Variants in MYO18B observed in about 807,000 individuals in gnomAD.
The protein encoded by MYO18B is myosin XVIIIB.
In MYO18B, 204 loss-of-function variants were observed where a neutral mutation model predicts 273.0. That is an observed-to-expected ratio of 0.75 (90% CI 0.67 to 0.84). MYO18B has a LOEUF of 0.84. MYO18B is among the 40% of genes least tolerant of loss of function. The pLI is 0.00. For synonymous variants in MYO18B, 1,330 were observed against 1,305.7 expected (o/e 1.02, Z -0.40); for missense variants, 3,212 against 3,287.6 (o/e 0.98, Z 0.56).
At chr22:25,922,268 C>CGG (rs776617358) in intron 34 of MYO18B, among the ~76,000 whole-genome samples, 37 of 152,102 alleles carry the variant, frequency 2.4e-4, no homozygotes, top group Non-Finnish European at 4.1e-4. Context: ...ACAGGAGGAG[C>CGG]GGCAGGTCTG....
intron 42 of MYO18B, among the ~76,000 whole-genome samples, chr22:26,005,649 T>A (rs1373131366): frequency 6.6e-6 from 1 of 152,196 alleles, no homozygotes; most frequent in Non-Finnish European, 1.5e-5. Context: ...GATTAAGATA[T>A]GCATAATTAA....
intron 12 of MYO18B, among the ~76,000 whole-genome samples, chr22:25,811,055 C>T (rs1334278312): frequency 6.6e-6 from 1 of 151,760 alleles, no homozygotes; most frequent in East Asian, 1.9e-4. Flanking sequence ...GCTGTGTTGC[C>T]CAGGCTGGAG....
At chr22:26,014,011 C>A (rs1403117921) in intron 42 of MYO18B, among the ~76,000 whole-genome samples, 1 of 152,000 alleles carries the variant, frequency 6.6e-6, no homozygotes, top group East Asian at 1.9e-4. Flanking sequence ...TTAATGTAAC[C>A]CAGTTTATAA....
At chr22:25,918,850 G>T (rs902448197) in intron 33 of MYO18B, among the ~76,000 whole-genome samples, 1 of 152,206 alleles carries the variant, frequency 6.6e-6, no homozygotes, top group African/African-American at 2.4e-5. Context: ...AAGTAAATCT[G>T]AGTTTATGAA....
At chr22:25,767,360 C>T (rs1013962160) in intron 3 of MYO18B, among the ~76,000 whole-genome samples, 1 of 152,102 alleles carries the variant, frequency 6.6e-6, no homozygotes, top group Non-Finnish European at 1.5e-5. Flanking sequence ...GAAACCAGGG[C>T]CCTCAGCTGG....
rs1280225909 is a variant in MYO18B, at chr22:25,948,455, CTTCCTTCT to C, written c.5748+631_5748+638del. On this transcript the variant is annotated intron_variant, in intron 36 of 43. Coordinates refer to ENST00000335473, the MANE Select transcript of MYO18B (RefSeq NM_032608.7). ...CCTTCCTTCCTTCCTTCCTTCCTTC[CTTCCTTCT>C]TTCTTTCTTTCTTTCTTTCTTTCTC... is the stretch of plus-strand genomic sequence containing the variant. Among the ~76,000 whole-genome samples the C allele has an allele frequency of 7.2e-3, 577 of 79,980 alleles. 5 individuals are homozygous for C. Among genetic ancestry groups the C allele is most frequent in the Admixed American group, 0.03 (261 of 8,738 alleles). 52.5% of individuals were successfully genotyped at this position (79,980 alleles called of 152,430 possible). A position where few individuals can be genotyped will look rare whatever the true frequency, so the allele number is the denominator to read the frequency against.
chr22:26,012,812 A>C lies in MYO18B; in HGVS notation c.6470+7957A>C, dbSNP rs148302827. Among the ~76,000 whole-genome samples, 110 of 152,352 alleles carry C rather than the reference A, an allele frequency of 7.2e-4. 3 individuals are homozygous for C. The East Asian group carries it at 0.018, about 25-fold the overall frequency. On this transcript the variant is annotated intron_variant, in intron 42 of 43. Coordinates refer to ENST00000335473, the MANE Select transcript of MYO18B (RefSeq NM_032608.7). ...AATCTGTGGTTCTCTGATTAAGCTA[A>C]GGTTTTGTTACGCAAATTTACCATT...
rs1333414028 is a variant in MYO18B at position 25,876,336 on chromosome 22, A to G, written c.4224+4A>G. On this transcript the variant is annotated splice_donor_region_variant and intron_variant, in intron 24 of 43. Coordinates refer to ENST00000335473, the MANE Select transcript of MYO18B (RefSeq NM_032608.7). ...TGAGCAGCTCCGAGCCAAGGAGGTC[A>G]GTCTATGTGGCAGGCAGGGTGCTGG... 6.2e-7 allele frequency: 1 copy of G among 1,606,922 alleles called. No individual in the cohort carries two copies. Among genetic ancestry groups the G allele is most frequent in the African/African-American group, 1.3e-5 (1 of 74,766 alleles).
chr22:25,905,599 G>T (rs1013429121), intron 31 of MYO18B, among the ~76,000 whole-genome samples: 2 of 152,188 alleles, frequency 1.3e-5, no homozygotes, highest in African/African-American at 4.8e-5. Context: ...AGAGTTCTAG[G>T]CAGGGGACCA....
chr22:25,768,145 A>G lies in MYO18B; in HGVS notation c.229A>G (p.Ser77Gly). Residue 77 changes from serine (S) to glycine (G), a missense_variant, in exon 4 of 44, where the codon AGC becomes GGC. Coordinates refer to ENST00000335473, the MANE Select transcript of MYO18B (RefSeq NM_032608.7). ...AGAAATTTCCATCAGCCAACCCAAC[A>G]GCAAGTCCAGCAGTGGCACCAGATC... ...IPEISISQPN[S>G]KSSSGTRSGS... 1 of 1,606,144 alleles carries G rather than the reference A, an allele frequency of 6.2e-7. No homozygotes were observed. The highest frequency in any genetic ancestry group is 8.5e-7 in the Non-Finnish European group (1 of 1,175,458).
chr22:25,787,821 G>A (rs2087468015), intron 11 of MYO18B, among the ~76,000 whole-genome samples: 1 of 152,074 alleles, frequency 6.6e-6, no homozygotes, highest in South Asian at 2.1e-4. Flanking sequence ...GTCATGAGGA[G>A]CCCAGACCTC....
At chr22:25,839,440 G>A (rs2090017929) in intron 17 of MYO18B, among the ~76,000 whole-genome samples, 1 of 152,174 alleles carries the variant, frequency 6.6e-6, no homozygotes, top group East Asian at 1.9e-4. Flanking sequence ...TGGGGTGTGA[G>A]ATGTGTCTGC....
At chr22:25,964,979 G>A (rs1456475627) in intron 39 of MYO18B, 4 of 152,196 alleles carry the variant, frequency 2.6e-5, no homozygotes, top group African/African-American at 9.7e-5. Context: ...ACCCAGAGGC[G>A]ACTTCACAGC....
chr22:26,030,043 C>T lies in MYO18B; in HGVS notation c.*13-400C>T, dbSNP rs977115654. ...CCACCTGGGTATACAGAATTCCAGGCCCTCCACCCCATTCATTGTCTCTAT... is the reference window on the plus strand; with the variant it reads ...CCACCTGGGTATACAGAATTCCAGGTCCTCCACCCCATTCATTGTCTCTAT... On this transcript the variant is annotated intron_variant, in intron 43 of 43. Coordinates refer to ENST00000335473, the MANE Select transcript of MYO18B (RefSeq NM_032608.7). Among the ~76,000 whole-genome samples, 9 of 152,246 alleles carry T rather than the reference C, an allele frequency of 5.9e-5. No individual in the cohort carries two copies. In the South Asian group the frequency reaches 1.7e-3, roughly 28 times the overall value.
chr22:25,753,927 C>G (rs2086026694), intron 1 of MYO18B, among the ~76,000 whole-genome samples: 1 of 152,228 alleles, frequency 6.6e-6, no homozygotes. Context: ...CAATTCCAGA[C>G]ACAGGGTCTT....
intron 25 of MYO18B, among the ~76,000 whole-genome samples, chr22:25,889,610 G>T (rs1458424275): frequency 6.7e-6 from 1 of 149,078 alleles, no homozygotes; most frequent in East Asian, 2.0e-4. Context: ...TCAGTTTTAT[G>T]AGCTGCCCTT....
At chr22:25,777,933 C>T (rs1367866459) in intron 8 of MYO18B, among the ~76,000 whole-genome samples, 152 bp downstream of exon 8, 1 of 152,162 alleles carries the variant, frequency 6.6e-6, no homozygotes, top group East Asian at 1.9e-4. Context: ...CAGGGCTATC[C>T]CTAGGTCATT....
intron 12 of MYO18B, among the ~76,000 whole-genome samples, chr22:25,798,687 G>A (rs1358317111): frequency 6.6e-6 from 1 of 152,142 alleles, no homozygotes; most frequent in Non-Finnish European, 1.5e-5. Flanking sequence ...AGCCTCCTGA[G>A]TAGCTGGGAC....
intron 11 of MYO18B, among the ~76,000 whole-genome samples, chr22:25,790,262 A>G (rs929082255): frequency 1.3e-5 from 2 of 152,200 alleles, no homozygotes; most frequent in African/African-American, 4.8e-5. Context: ...ACATGGTTTT[A>G]TTTATTTTTA....
Sources: allele counts gnomAD v4.1 joint callset (sites outside exome capture counted in the v4.1 genomes callset), GRCh38; gene constraint gnomAD v4.1.1; transcripts MANE v1.5; gene names NCBI Gene and HGNC (gene_info 2026-07-23, HGNC 2026-07-21).